DYNC2H1: variants seen among roughly 807,000 people sequenced by gnomAD.
DYNC2H1 encodes dynein cytoplasmic 2 heavy chain 1.
Under a neutral mutation model 570.0 loss-of-function variants are expected in DYNC2H1, and 410 were observed. The observed-to-expected ratio is 0.72, with a 90% confidence interval of 0.66 to 0.78. The LOEUF (loss-of-function observed/expected upper bound fraction) is 0.78, where lower values mean the gene tolerates loss of function less well. Among genes scored for constraint, DYNC2H1 ranks in the 30% least tolerant of loss-of-function variants. DYNC2H1 has a pLI of 0.00. For missense variants in DYNC2H1, 4,865 were observed against 5,046.4 expected, an observed-to-expected ratio of 0.96 and a Z score of 1.09; for synonymous variants, 1,688 against 1,677.6, an observed-to-expected ratio of 1.01 and a Z score of -0.15.
At chr11:103,367,388 C>G (rs1381603650) in intron 83 of DYNC2H1, among the ~76,000 whole-genome samples, 1 of 152,062 alleles carries the variant, frequency 6.6e-6, no homozygotes, top group Non-Finnish European at 1.5e-5. Context: ...CCATTTTTAT[C>G]AGGTCACTTT....
At chr11:103,287,408 T>TG in intron 74 of DYNC2H1, 125 bp from the exon 75 acceptor site, 1 of 749,260 alleles carries the variant, frequency 1.3e-6, no homozygotes, top group Non-Finnish European at 2.2e-6. Context: ...GTAAATAATA[T>TG]GGAACAATGA....
chr11:103,394,169 C>G (rs1942293355), intron 83 of DYNC2H1, among the ~76,000 whole-genome samples: 1 of 152,138 alleles, frequency 6.6e-6, no homozygotes, highest in Non-Finnish European at 1.5e-5. Flanking sequence ...TACTTACTTT[C>G]CCTGGTTGAA....
At chr11:103,441,523 C>T (rs1451431579) in intron 85 of DYNC2H1, among the ~76,000 whole-genome samples, 5 of 151,916 alleles carry the variant, frequency 3.3e-5, no homozygotes, top group African/African-American at 1.2e-4. Flanking sequence ...TGTCTGTTTA[C>T]TGCCCCATCC....
chr11:103,176,563 T>A, intron 37 of DYNC2H1, 129 bp downstream of exon 37: 1 of 643,084 alleles, frequency 1.6e-6, no homozygotes, highest in Non-Finnish European at 2.3e-6. Flanking sequence ...CTCAGGGAAG[T>A]CTTCCCAGAT....
intron 83 of DYNC2H1, among the ~76,000 whole-genome samples, chr11:103,371,564 A>C (rs959114109): frequency 1.3e-5 from 2 of 152,232 alleles, no homozygotes; most frequent in Non-Finnish European, 2.9e-5. Context: ...GTAAGAGAAA[A>C]GAAACAAGTA....
chr11:103,474,792 A>C (rs538029864), intron 88 of DYNC2H1, among the ~76,000 whole-genome samples: 34 of 152,346 alleles, frequency 2.2e-4, no homozygotes, highest in African/African-American at 7.7e-4. Context: ...CATAGTATAT[A>C]TAGGGTTTGG....
intron 12 of DYNC2H1, among the ~76,000 whole-genome samples, chr11:103,126,492 C>T (rs1280905368): frequency 2.6e-5 from 4 of 152,092 alleles, no homozygotes; most frequent in Admixed American, 6.5e-5. Flanking sequence ...TAGATGCTTT[C>T]GTTATGTTAT....
chr11:103,186,618 G>T lies in DYNC2H1; in HGVS notation c.6893+117G>T. ...AAGTAGCATTTACATTTTCATGGAA[G>T]ATTCATTTTATTTTCATTACTTATA... On this transcript the variant is annotated intron_variant, in intron 42 of 88. Coordinates refer to ENST00000375735, the MANE Select transcript of DYNC2H1 (RefSeq NM_001377.3). This position sits in a 1 kb window ranked among gnomAD's most constrained non-coding sequence, Gnocchi z 4.5. 1.5e-6 allele frequency: 2 copies of T among 1,326,068 alleles called. No homozygotes were observed. Among genetic ancestry groups the T allele is most frequent in the Non-Finnish European group, 1.0e-6 (1 of 1,000,272 alleles). The allele number at this position is 1,326,068 out of a possible 1,614,324, so 82.1% of individuals were successfully genotyped here.
At chr11:103,253,030 T>C (rs543694871) in intron 65 of DYNC2H1, among the ~76,000 whole-genome samples, 4 of 152,308 alleles carry the variant, frequency 2.6e-5, no homozygotes, top group African/African-American at 9.6e-5. Flanking sequence ...GTTAAAACCA[T>C]ACTGAATGAG....
At chr11:103,267,981 A>G (rs1865573834) in intron 70 of DYNC2H1, among the ~76,000 whole-genome samples, 1 of 152,038 alleles carries the variant, frequency 6.6e-6, no homozygotes, top group African/African-American at 2.4e-5. Context: ...TACTTCATCT[A>G]CTACTCTCAG....
intron 50 of DYNC2H1, among the ~76,000 whole-genome samples, chr11:103,202,259 A>C (rs1306103333): frequency 6.8e-6 from 1 of 147,136 alleles, no homozygotes; most frequent in African/African-American, 2.5e-5. Context: ...AGATGGAGAC[A>C]TTGTTCATTT....
chr11:103,469,406 ATAAACTT>A (rs1340822098), intron 88 of DYNC2H1, among the ~76,000 whole-genome samples: 1 of 152,246 alleles, frequency 6.6e-6, no homozygotes, highest in Non-Finnish European at 1.5e-5. Flanking sequence ...CTACATGTGA[ATAAACTT>A]TAAAGTTCTG....
At position 103,350,856 on chromosome 11, in the gene DYNC2H1, A is replaced by G. The variant is rs547388509; in HGVS notation, c.12040-7387A>G. Among the ~76,000 whole-genome samples, 19 of 152,164 alleles carry G rather than the reference A, an allele frequency of 1.2e-4. No homozygotes were observed. In the South Asian group the frequency reaches 2.9e-3, roughly 23 times the overall value. On this transcript the variant is annotated intron_variant, in intron 82 of 88. Transcript: ENST00000375735. ...GCCCCGAACCCCTATGACCTCATTT[A>G]CCCTTAATTACCTCCTTGGAGGCCA... is the stretch of plus-strand genomic sequence containing the variant.
chr11:103,198,477 A>G (rs1297101062), intron 48 of DYNC2H1, among the ~76,000 whole-genome samples: 1 of 152,138 alleles, frequency 6.6e-6, no homozygotes, highest in Non-Finnish European at 1.5e-5. Context: ...GATGATGTTG[A>G]TGCTGCTGGT....
intron 10 of DYNC2H1, among the ~76,000 whole-genome samples, chr11:103,121,796 C>T (rs1210634032): frequency 6.6e-6 from 1 of 151,902 alleles, no homozygotes; most frequent in Non-Finnish European, 1.5e-5. Flanking sequence ...TTATTGTTTA[C>T]AAAAATGAGC....
At chr11:103,303,010 T>A in intron 75 of DYNC2H1, 83 bp from the exon 76 acceptor site, 1 of 1,084,214 alleles carries the variant, frequency 9.2e-7, no homozygotes. Context: ...GTATTCTCTA[T>A]TATATATCAT....
chr11:103,121,543 T>C, intron 10 of DYNC2H1, 47 bp downstream of exon 10: 1 of 1,585,092 alleles, frequency 6.3e-7, no homozygotes. Context: ...TAAAATCTGC[T>C]AAATTAAGGC....
intron 29 of DYNC2H1, among the ~76,000 whole-genome samples, chr11:103,161,374 C>T (rs773680957): frequency 5.3e-5 from 8 of 152,044 alleles, no homozygotes; most frequent in Non-Finnish European, 1.2e-4. Context: ...AAATGGTAAT[C>T]TCAGTACAGG....
At position 103,222,118 on chromosome 11, in the gene DYNC2H1, C is replaced by G; in HGVS notation, c.9196C>G (p.Leu3066Val). ...GGAAATAAGAGAGAGTGTTGAAGAA[C>G]TTCTTTTTAAAAATAAAGGCTCTTT... Reference protein sequence around the residue: ...SKEIRESVEELLFKNKGSFDP... With the variant: ...SKEIRESVEEVLFKNKGSFDP... The change falls in exon 58 of 89, where the codon CTT becomes GTT. Residue 3066 changes from leucine to valine, a missense_variant. Physicochemically the swap from Leu to Val is conservative, Grantham distance 32. Around this residue, in one of 5 missense-constraint regions of DYNC2H1, gnomAD observed 2,401 missense variants for 2,454.6 expected, o/e 0.98. Coordinates refer to ENST00000375735, the MANE Select transcript of DYNC2H1 (RefSeq NM_001377.3). 1 of 1,587,192 alleles carries G rather than the reference C, an allele frequency of 6.3e-7. No individual in the cohort carries two copies.
Sources: allele counts gnomAD v4.1 joint callset (sites outside exome capture counted in the v4.1 genomes callset), GRCh38; gene constraint gnomAD v4.1.1; regional missense constraint gnomAD v4.1.1; non-coding constraint Gnocchi (gnomAD v3.1); transcripts MANE v1.5; gene names NCBI Gene and HGNC (gene_info 2026-07-23, HGNC 2026-07-21).